The following SYCP1 variants were observed in gnomAD, a reference collection of about 807,000 sequenced individuals.
The protein encoded by SYCP1 is cancer/testis antigen 8.
A neutral mutation model predicts 153.1 loss-of-function variants in SYCP1; 64 were observed. The ratio of observed to expected loss-of-function variants is 0.42; its 90% CI spans 0.34 to 0.51. SYCP1 has a LOEUF of 0.51. SYCP1 is among the 20% of genes least tolerant of loss of function. SYCP1 has a pLI of 0.06. For missense variants in SYCP1, 997 were observed against 1,049.0 expected (o/e 0.95, Z 0.68); for synonymous variants, 384 against 341.8 (o/e 1.12, Z -1.36).
chr1:114,871,851 G>C (rs759105903), intron 8 of SYCP1, among the ~76,000 whole-genome samples: 3 of 152,046 alleles, frequency 2.0e-5, no homozygotes, highest in Non-Finnish European at 2.9e-5. Flanking sequence ...CTCCCAAAGT[G>C]CTGGGATTAC....
chr1:114,959,226 G>A (rs1385042911), intron 27 of SYCP1, among the ~76,000 whole-genome samples: 2 of 151,996 alleles, frequency 1.3e-5, no homozygotes, highest in African/African-American at 4.8e-5. Flanking sequence ...GTGATCATGT[G>A]GGTTTCTCCG....
At chr1:114,860,844 A>G (rs376833076) in intron 8 of SYCP1, 35 bp downstream of exon 8, 60 of 1,480,218 alleles carry the variant, frequency 4.1e-5, no homozygotes, top group Non-Finnish European at 4.7e-5. Flanking sequence ...GATTTTATCA[A>G]TTTATTTTAC....
intron 23 of SYCP1, among the ~76,000 whole-genome samples, chr1:114,927,115 A>T (rs929750297): frequency 6.6e-6 from 1 of 152,004 alleles, no homozygotes. Context: ...TCATTGTATT[A>T]ATTATGTGCT....
intron 20 of SYCP1, among the ~76,000 whole-genome samples, chr1:114,919,298 T>C (rs571119525): frequency 5.3e-5 from 8 of 152,244 alleles, no homozygotes; most frequent in Non-Finnish European, 1.2e-4. Context: ...TGATATAATG[T>C]ATCACATTGA....
At chr1:114,925,063 AAAAACCTTC>A (rs1669168896) in intron 21 of SYCP1, among the ~76,000 whole-genome samples, 1 of 152,148 alleles carries the variant, frequency 6.6e-6, no homozygotes, top group African/African-American at 2.4e-5. Context: ...TCCAAAGGAT[AAAAACCTTC>A]AAAAGGTTAC....
chr1:114,964,181 G>A lies in SYCP1; in HGVS notation c.2323-13376G>A, dbSNP rs1210304588. On this transcript the variant is annotated intron_variant, in intron 27 of 31. Coordinates refer to ENST00000369522, the MANE Select transcript of SYCP1 (RefSeq NM_003176.4). The stretch of plus-strand genomic sequence containing the variant: ...CTGCAAAAATGTCTTCTTTTGAGAA[G>A]TGTCTCTTCATATCCTTTGCCCACT... 2.0e-5 allele frequency among the ~76,000 whole-genome samples: 3 copies of A among 152,100 alleles called. No individual in the cohort carries two copies. The East Asian group carries it at 5.8e-4, about 29-fold the overall frequency.
intron 25 of SYCP1, among the ~76,000 whole-genome samples, chr1:114,945,313 T>G (rs1161502433): frequency 1.3e-5 from 2 of 152,068 alleles, no homozygotes; most frequent in African/African-American, 4.8e-5. Context: ...AGGATAAGTA[T>G]CTCATTGATA....
chr1:114,976,913 C>T (rs1191252168), intron 27 of SYCP1, among the ~76,000 whole-genome samples: 1 of 151,638 alleles, frequency 6.6e-6, no homozygotes, highest in Non-Finnish European at 1.5e-5. Context: ...GAGATTTTTA[C>T]TTTCTAAGAC....
chr1:114,992,043 C>A (rs979919969), intron 30 of SYCP1, among the ~76,000 whole-genome samples: 3 of 151,722 alleles, frequency 2.0e-5, no homozygotes, highest in African/African-American at 7.3e-5. Flanking sequence ...GAAAGAAATT[C>A]TATTCACAAT....
chr1:114,924,767 T>C (rs1051065716), intron 21 of SYCP1, among the ~76,000 whole-genome samples: 53 of 151,614 alleles, frequency 3.5e-4, no homozygotes, highest in Admixed American at 3.5e-3. Flanking sequence ...TAGGGAGAGG[T>C]AAGCATGGAG....
chr1:114,861,711 A>G (rs982553989), intron 8 of SYCP1, among the ~76,000 whole-genome samples: 2 of 152,098 alleles, frequency 1.3e-5, no homozygotes, highest in African/African-American at 4.8e-5. Flanking sequence ...AAATATGCTT[A>G]GAACAATGCA....
intron 23 of SYCP1, among the ~76,000 whole-genome samples, chr1:114,937,875 G>A (rs1430483702): frequency 6.6e-6 from 1 of 152,070 alleles, no homozygotes; most frequent in Admixed American, 6.6e-5. Context: ...TAGAGTGGCA[G>A]TCATTAAAAA....
At chr1:114,872,010 T>C (rs1241223029) in intron 8 of SYCP1, among the ~76,000 whole-genome samples, 1 of 149,880 alleles carries the variant, frequency 6.7e-6, no homozygotes, top group African/African-American at 2.4e-5. Context: ...CTTTTTCTTT[T>C]TTTTTTTTTT....
intron 16 of SYCP1, among the ~76,000 whole-genome samples, chr1:114,904,120 C>CTTTT (rs1272855607): frequency 2.1e-5 from 3 of 142,270 alleles, no homozygotes; most frequent in Non-Finnish European, 3.1e-5. Flanking sequence ...TTCTTTCTTT[C>CTTTT]TTTTTTTTTT....
intron 15 of SYCP1, among the ~76,000 whole-genome samples, chr1:114,892,498 GT>G (rs1163550734): frequency 6.6e-6 from 1 of 152,188 alleles, no homozygotes; most frequent in Non-Finnish European, 1.5e-5. Context: ...GTTGCTGCTA[GT>G]GGTTCTGGCT....
chr1:114,903,749 T>C (rs1170726986), intron 16 of SYCP1, among the ~76,000 whole-genome samples: 1 of 152,148 alleles, frequency 6.6e-6, no homozygotes, highest in Non-Finnish European at 1.5e-5. Flanking sequence ...ACAATCACAG[T>C]AGCCAGAGGA....
chr1:114,911,601 TA>T lies in SYCP1; in HGVS notation c.1529+24del. The T allele has an allele frequency of 2.2e-6, 3 of 1,383,958 alleles. No homozygotes were observed. The highest frequency in any genetic ancestry group is 2.9e-6 in the Non-Finnish European group (3 of 1,040,138). The allele number at this position is 1,383,958 out of a possible 1,614,324, so 85.7% of individuals were successfully genotyped here. A position where few individuals can be genotyped will look rare whatever the true frequency, so the allele number is the denominator to read the frequency against. ...ACGAGAAGTATGTTTTCCATTTATCTAAAAATAGTTTATGTACTCAATTCCT... is the reference window on the plus strand; with the variant it reads ...ACGAGAAGTATGTTTTCCATTTATCTAAAATAGTTTATGTACTCAATTCCT... On this transcript the variant is annotated intron_variant, in intron 18 of 31. Transcript: ENST00000369522.
At chr1:114,881,056 T>TACAC (rs67335338) in intron 12 of SYCP1, among the ~76,000 whole-genome samples, 2,738 of 144,992 alleles carry the variant, frequency 0.019, 81 homozygotes, top group African/African-American at 0.065. Flanking sequence ...TTTGTGTATA[T>TACAC]ACACACACAC....
chr1:114,982,030 T>C (rs1305440372), intron 29 of SYCP1, among the ~76,000 whole-genome samples: 1 of 152,048 alleles, frequency 6.6e-6, no homozygotes, highest in Non-Finnish European at 1.5e-5. Flanking sequence ...GTTCTGACTG[T>C]CTTTCATATA....
Sources: allele counts gnomAD v4.1 joint callset (sites outside exome capture counted in the v4.1 genomes callset), GRCh38; gene constraint gnomAD v4.1.1; transcripts MANE v1.5; gene names NCBI Gene and HGNC (gene_info 2026-07-23, HGNC 2026-07-21).